FBXW12: variants seen among roughly 807,000 people sequenced by gnomAD.
FBXW12 encodes the protein F-box and WD repeat domain containing 12.
Under a neutral mutation model 55.3 loss-of-function variants are expected in FBXW12, and 43 were observed. The ratio of observed to expected loss-of-function variants is 0.78; its 90% CI spans 0.61 to 1.00. The LOEUF (loss-of-function observed/expected upper bound fraction) is 1.00. FBXW12 is among the 50% of genes least tolerant of loss of function. The pLI, the probability that FBXW12 is intolerant of heterozygous loss-of-function variation, is 0.00. For missense variants in FBXW12, 524 were observed against 560.5 expected (o/e 0.93, Z 0.66); for synonymous variants, 184 against 203.8 (o/e 0.90, Z 0.83).
At chr3:48,375,323 T>C in intron 4 of FBXW12, 31 bp from the exon 5 acceptor site, 1 of 1,296,910 alleles carries the variant, frequency 7.7e-7, no homozygotes, top group Non-Finnish European at 1.1e-6. Flanking sequence ...CTTAACTATC[T>C]GGTGGCCAAG....
chr3:48,385,533 T>C (rs979016304), intron 10 of FBXW12, among the ~76,000 whole-genome samples: 4 of 152,212 alleles, frequency 2.6e-5, no homozygotes, highest in Non-Finnish European at 5.9e-5. Flanking sequence ...CCTTTGGATG[T>C]ATACCCAGGA....
At chr3:48,374,498 T>C (rs2036654363) in intron 4 of FBXW12, among the ~76,000 whole-genome samples, 1 of 152,056 alleles carries the variant, frequency 6.6e-6, no homozygotes, top group African/African-American at 2.4e-5. Flanking sequence ...CAACTAATTT[T>C]TGTGTTTTTA....
At chr3:48,391,916 T>G (rs1449987818) in intron 10 of FBXW12, among the ~76,000 whole-genome samples, 1 of 152,242 alleles carries the variant, frequency 6.6e-6, no homozygotes, top group African/African-American at 2.4e-5. Context: ...TTTTTGCGTC[T>G]ATGTTCATCA....
chr3:48,379,799 G>A, intron 7 of FBXW12: 1 of 469,220 alleles, frequency 2.1e-6, no homozygotes, highest in Non-Finnish European at 3.9e-6. Flanking sequence ...CAAAGAGATG[G>A]AAGAGGGTGA....
chr3:48,375,674 TTTTG>T (rs931922106), intron 5 of FBXW12, among the ~76,000 whole-genome samples: 10 of 152,166 alleles, frequency 6.6e-5, no homozygotes, highest in African/African-American at 2.2e-4. Context: ...TTGTTGTTAT[TTTTG>T]TTTGTTTGTT....
intron 10 of FBXW12, among the ~76,000 whole-genome samples, chr3:48,385,262 A>G (rs577598607): frequency 2.8e-4 from 43 of 152,312 alleles, no homozygotes; most frequent in Admixed American, 1.2e-3. Flanking sequence ...TTCACTGAAC[A>G]TAATGACCTC....
At chr3:48,388,347 C>T (rs774935638) in intron 10 of FBXW12, among the ~76,000 whole-genome samples, 4 of 152,158 alleles carry the variant, frequency 2.6e-5, no homozygotes, top group Non-Finnish European at 5.9e-5. Flanking sequence ...TCTAGTGATT[C>T]TATCAATTGA....
intron 6 of FBXW12, 37 bp from the exon 7 acceptor site, chr3:48,379,363 T>A: frequency 6.2e-7 from 1 of 1,607,856 alleles, no homozygotes; most frequent in Non-Finnish European, 8.5e-7. Flanking sequence ...ATTTCACATA[T>A]CTTCCTATTG....
At position 48,378,667 on chromosome 3, in the gene FBXW12, T is replaced by C. The variant is rs914994096; in HGVS notation, c.615+141T>C. 6 of 675,366 alleles carry C rather than the reference T, an allele frequency of 8.9e-6. No individual in the cohort carries two copies. In the African/African-American group the frequency reaches 1.1e-4, roughly 13 times the overall value. 41.8% of individuals were successfully genotyped at this position (675,366 alleles called of 1,614,324 possible). A position where few individuals can be genotyped will look rare whatever the true frequency, so the allele number is the denominator to read the frequency against. Reference sequence around the variant, plus strand: ...TCTCACTCTGTTGCTCAGGCTGGAGTGCAGTGGTGCAATCTTGGCTCACTG... The same window carrying C: ...TCTCACTCTGTTGCTCAGGCTGGAGCGCAGTGGTGCAATCTTGGCTCACTG... On this transcript the variant is annotated intron_variant, in intron 6 of 10. Coordinates refer to ENST00000296438, the MANE Select transcript of FBXW12 (RefSeq NM_207102.2).
chr3:48,375,191 C>A (rs1376748425), intron 4 of FBXW12, among the ~76,000 whole-genome samples, 163 bp from the exon 5 acceptor site: 1 of 152,200 alleles, frequency 6.6e-6, no homozygotes, highest in Admixed American at 6.5e-5. Flanking sequence ...GCCAGTCTGC[C>A]GTGGGAACCT....
Position 48,372,854 on chromosome 3 carries a change from C to T in FBXW12, c.87C>T (p.Asn29=). 1 of 1,614,104 alleles carries T rather than the reference C, an allele frequency of 6.2e-7. No individual in the cohort carries two copies. Among genetic ancestry groups the T allele is most frequent in the South Asian group, 1.1e-5 (1 of 91,084 alleles). The change falls in exon 2 of 11, where the codon AAC becomes AAT. Residue 29 remains asparagine, a synonymous_variant. Coordinates refer to ENST00000296438, the MANE Select transcript of FBXW12 (RefSeq NM_207102.2). ...LFGLLQVSQV[N]KHWNRIADSD... ...GCTTGCTGCAGGTTTCCCAGGTGAA[C>T]AAGGTAAAGGCCTTCCACCTCCCAC...
rs374518243 is a variant in FBXW12 at position 48,373,608 on chromosome 3, C to G, written c.189C>G (p.His63Gln). 6.2e-7 allele frequency: 1 copy of G among 1,614,004 alleles called. No homozygotes were observed. Among genetic ancestry groups the G allele is most frequent in the African/African-American group, 1.3e-5 (1 of 74,896 alleles). ...SNFTNQHLGTHTWKQFFLHQR... is the reference protein window; with the variant it reads ...SNFTNQHLGTQTWKQFFLHQR... ...TCACCAATCAACACCTGGGCACACA[C>G]ACATGGAAGCAATTTTTCCTGCATC... is the stretch of plus-strand genomic sequence containing the variant. The change falls in exon 4 of 11, where the codon CAC (histidine) becomes CAG (glutamine). Residue 63 changes from histidine to glutamine, a missense_variant. Physicochemically the swap from His to Gln is conservative, Grantham distance 24 (BLOSUM62 0). Coordinates refer to ENST00000296438, the MANE Select transcript of FBXW12 (RefSeq NM_207102.2).
At chr3:48,385,677 C>G (rs2036839014) in intron 10 of FBXW12, among the ~76,000 whole-genome samples, 1 of 152,174 alleles carries the variant, frequency 6.6e-6, no homozygotes, top group Non-Finnish European at 1.5e-5. Flanking sequence ...CACATCCTCA[C>G]CAACAATTGT....
chr3:48,382,783 T>G (rs1161601868), intron 10 of FBXW12, among the ~76,000 whole-genome samples: 1 of 152,228 alleles, frequency 6.6e-6, no homozygotes, highest in Non-Finnish European at 1.5e-5. Context: ...CGTAGAAGTC[T>G]TGTCTCTTAA....
At chr3:48,376,829 G>A (rs1258897341) in intron 5 of FBXW12, among the ~76,000 whole-genome samples, 1 of 152,126 alleles carries the variant, frequency 6.6e-6, no homozygotes, top group African/African-American at 2.4e-5. Context: ...TTGACAAATT[G>A]CCAGCATGTT....
intron 5 of FBXW12, among the ~76,000 whole-genome samples, chr3:48,375,987 T>C (rs1200236464): frequency 7.5e-6 from 1 of 132,612 alleles, no homozygotes; most frequent in African/African-American, 2.9e-5. Context: ...TTTTTTTTTT[T>C]TTTTTTTTTT....
At chr3:48,375,209 G>A (rs2036665227) in intron 4 of FBXW12, 145 bp from the exon 5 acceptor site, 1 of 606,154 alleles carries the variant, frequency 1.6e-6, no homozygotes, top group Non-Finnish European at 2.9e-6. Flanking sequence ...CCTGTGTTTG[G>A]ATGACTCTGG....
intron 6 of FBXW12, 60 bp downstream of exon 6, chr3:48,378,586 C>T: frequency 7.6e-7 from 1 of 1,313,990 alleles, no homozygotes; most frequent in East Asian, 2.3e-5. Context: ...TCTTGTCAGG[C>T]ATCCGTGTCA....
chr3:48,374,353 A>C (rs1215183872), intron 4 of FBXW12, among the ~76,000 whole-genome samples: 1 of 132,092 alleles, frequency 7.6e-6, no homozygotes, highest in Non-Finnish European at 1.6e-5. Context: ...TTTGAGGTTG[A>C]GTCTTGCTCT....
Sources: allele counts gnomAD v4.1 joint callset (sites outside exome capture counted in the v4.1 genomes callset), GRCh38; gene constraint gnomAD v4.1.1; transcripts MANE v1.5; gene names NCBI Gene and HGNC (gene_info 2026-07-23, HGNC 2026-07-21).